DNAJC5B: variants seen among roughly 807,000 people sequenced by gnomAD.
The protein encoded by DNAJC5B is dnaJ homolog subfamily C member 5B.
In DNAJC5B, 23 loss-of-function variants were observed where a neutral mutation model predicts 24.7. The ratio of observed to expected loss-of-function variants is 0.93; its 90% CI spans 0.67 to 1.32. The LOEUF (loss-of-function observed/expected upper bound fraction) is 1.32. DNAJC5B is among the 40% of genes most tolerant of loss of function. The probability of loss-of-function intolerance (pLI) is 0.00; values close to 1 mark genes in which losing one functional copy is unlikely to be tolerated. For missense variants in DNAJC5B, 238 were observed against 240.8 expected (o/e 0.99, Z 0.08); for synonymous variants, 101 against 90.1 (o/e 1.12, Z -0.68).
intron 3 of DNAJC5B, chr8:66,057,807 A>C (rs1405365115): frequency 1.3e-5 from 2 of 152,266 alleles, no homozygotes; most frequent in Non-Finnish European, 2.9e-5. Context: ...TGTCAACAGA[A>C]AATTCTGTAT....
At chr8:66,055,979 G>C (rs1382537152) in intron 3 of DNAJC5B, among the ~76,000 whole-genome samples, 1 of 152,056 alleles carries the variant, frequency 6.6e-6, no homozygotes, top group Non-Finnish European at 1.5e-5. Context: ...CATATATTCA[G>C]AACTTCCAGT....
upstream of DNAJC5B, chr8:66,021,454 G>C (rs968063202): frequency 6.6e-6 from 1 of 152,262 alleles, no homozygotes; most frequent in Non-Finnish European, 1.5e-5. Context: ...TTGTCCAAGA[G>C]GGCCTCAGCT....
At chr8:66,029,396 G>A (rs1806313983) in intron 1 of DNAJC5B, among the ~76,000 whole-genome samples, 2 of 152,188 alleles carry the variant, frequency 1.3e-5, no homozygotes, top group African/African-American at 4.8e-5. Context: ...GGAAGAAGTG[G>A]CACTGGAGGA....
At chr8:66,052,990 A>G (rs146245219) in intron 3 of DNAJC5B, among the ~76,000 whole-genome samples, 3,062 of 152,178 alleles carry the variant, frequency 0.02, 57 homozygotes, top group Non-Finnish European at 0.032. Context: ...ATCATAGCTC[A>G]CTGCAGCCTT....
chr8:66,095,530 C>T (rs1196438110), intron 5 of DNAJC5B, among the ~76,000 whole-genome samples: 1 of 151,382 alleles, frequency 6.6e-6, no homozygotes, highest in Non-Finnish European at 1.5e-5. Context: ...TCTTATTTCT[C>T]AGTTTATTTT....
At chr8:66,067,383 A>G (rs903912510) in intron 3 of DNAJC5B, among the ~76,000 whole-genome samples, 1 of 152,086 alleles carries the variant, frequency 6.6e-6, no homozygotes, top group African/African-American at 2.4e-5. Flanking sequence ...AATTTTATTG[A>G]GATTCTGAAG....
chr8:66,042,614 CT>C (rs1806635689), intron 1 of DNAJC5B, among the ~76,000 whole-genome samples: 2 of 150,400 alleles, frequency 1.3e-5, no homozygotes, highest in African/African-American at 2.5e-5. Context: ...TCTTCTTCTT[CT>C]TCTTCTTCTC....
In DNAJC5B at chr8:66,060,483, G is replaced by A. The variant is rs116499922; in HGVS notation, c.119+8817G>A. On this transcript the variant is annotated intron_variant, in intron 3 of 5. Coordinates refer to ENST00000276570, the MANE Select transcript of DNAJC5B (RefSeq NM_033105.6). ...ACACATCCTGATGTGCCCTAACCCC[G>A]TGCAGTGAACAATGGGCGACAATGA... Among the ~76,000 whole-genome samples, 346 of 152,246 alleles carry A rather than the reference G, an allele frequency of 2.3e-3. 3 individuals are homozygous for A. Among genetic ancestry groups the A allele is most frequent in the African/African-American group, 7.6e-3 (314 of 41,550 alleles).
intron 1 of DNAJC5B, among the ~76,000 whole-genome samples, chr8:66,042,166 C>T (rs1272159433): frequency 6.6e-6 from 1 of 152,148 alleles, no homozygotes; most frequent in Non-Finnish European, 1.5e-5. Flanking sequence ...GACTCACACA[C>T]CCAGGGTCTG....
chr8:66,053,813 G>C (rs530742296), intron 3 of DNAJC5B, among the ~76,000 whole-genome samples: 1 of 152,084 alleles, frequency 6.6e-6, no homozygotes, highest in South Asian at 2.1e-4. Flanking sequence ...ATTTTTAGTA[G>C]AGACGGGGTT....
intron 2 of DNAJC5B, among the ~76,000 whole-genome samples, chr8:66,048,319 G>T (rs1480218051): frequency 1.3e-5 from 2 of 152,166 alleles, no homozygotes; most frequent in African/African-American, 4.8e-5. Flanking sequence ...GGGGTTGGGG[G>T]AAAGGGCAGG....
intron 1 of DNAJC5B, among the ~76,000 whole-genome samples, chr8:66,029,148 C>T (rs1449946433): frequency 6.6e-6 from 1 of 152,230 alleles, no homozygotes; most frequent in Non-Finnish European, 1.5e-5. Context: ...TTTCCTCTCT[C>T]TGCTTCCTAC....
intron 3 of DNAJC5B, among the ~76,000 whole-genome samples, chr8:66,062,326 G>A (rs1156272003): frequency 6.6e-6 from 1 of 152,142 alleles, no homozygotes; most frequent in Non-Finnish European, 1.5e-5. Flanking sequence ...AGATCAGAAA[G>A]GAAAGATACT....
chr8:66,034,176 T>TTGTGTGTGTG (rs60916429), intron 1 of DNAJC5B, among the ~76,000 whole-genome samples: 12,053 of 144,148 alleles, frequency 0.084, 814 homozygotes, highest in African/African-American at 0.19. Flanking sequence ...TGTTGTTGTT[T>TTGTGTGTGTG]TGTGTGTGTG....
intron 5 of DNAJC5B, among the ~76,000 whole-genome samples, chr8:66,092,005 C>G (rs1807858921): frequency 6.6e-6 from 1 of 152,034 alleles, no homozygotes; most frequent in Non-Finnish European, 1.5e-5. Flanking sequence ...GTTGCCAGGG[C>G]CTGTGGGGCA....
intron 1 of DNAJC5B, among the ~76,000 whole-genome samples, chr8:66,029,500 C>A (rs1178405804): frequency 1.3e-5 from 2 of 152,038 alleles, no homozygotes; most frequent in Non-Finnish European, 2.9e-5. Context: ...ATCAGCAGGG[C>A]AGTGATGAGA....
intron 1 of DNAJC5B, among the ~76,000 whole-genome samples, chr8:66,038,896 G>A (rs1472729043): frequency 6.6e-6 from 1 of 152,196 alleles, no homozygotes; most frequent in African/African-American, 2.4e-5. Flanking sequence ...ATGTTGCCTA[G>A]CAGGGGCCAA....
chr8:66,052,118 A>ATTTTTTTT (rs748199400), intron 3 of DNAJC5B, among the ~76,000 whole-genome samples: 7 of 136,306 alleles, frequency 5.1e-5, no homozygotes, highest in African/African-American at 1.6e-4. Flanking sequence ...CACCCAGCTA[A>ATTTTTTTT]TTTTTTTTTT....
chr8:66,028,430 A>G (rs1806292723), intron 1 of DNAJC5B, among the ~76,000 whole-genome samples: 1 of 152,326 alleles, frequency 6.6e-6, no homozygotes, highest in Middle Eastern at 3.4e-3. Context: ...ACCGCCCTGC[A>G]TGCTGAAACC....
Sources: allele counts gnomAD v4.1 joint callset (sites outside exome capture counted in the v4.1 genomes callset), GRCh38; gene constraint gnomAD v4.1.1; transcripts MANE v1.5; gene names NCBI Gene and HGNC (gene_info 2026-07-23, HGNC 2026-07-21).